ORC6: variants seen among roughly 807,000 people sequenced by gnomAD.
The protein encoded by ORC6 is origin recognition complex subunit 6.
Under a neutral mutation model 30.0 loss-of-function variants are expected in ORC6, and 31 were observed. The observed-to-expected ratio is 1.03, with a 90% CI of 0.78 to 1.40. ORC6 has a LOEUF of 1.40. Ranked by LOEUF, ORC6 falls within the 40% of genes most tolerant of loss-of-function variation. The probability of loss-of-function intolerance (pLI) is 0.00; values close to 1 mark genes in which losing one functional copy is unlikely to be tolerated. For missense variants in ORC6, 340 were observed against 304.3 expected (o/e 1.12, Z -0.87); for synonymous variants, 136 against 111.2 (o/e 1.22, Z -1.40).
chr16:46,692,924 A>T (rs1212783561), intron 3 of ORC6, among the ~76,000 whole-genome samples, 169 bp from the exon 4 acceptor site: 1 of 152,108 alleles, frequency 6.6e-6, no homozygotes, highest in Non-Finnish European at 1.5e-5. Context: ...GATAGATACA[A>T]ATTATCCATT....
chr16:46,698,167 A>AGATAGATG lies in ORC6; in HGVS notation c.*589_*590insGGATAGAT, dbSNP rs1555468047. ...GGGTGACAGAGCGAGACTTATAGAT[A>AGATAGATG]GATAGATAGATAGATGGATAGATAG... On this transcript the variant is annotated 3_prime_UTR_variant, in exon 7 of 7. Coordinates refer to ENST00000219097, the MANE Select transcript of ORC6 (RefSeq NM_014321.4). 1 of 402,370 alleles carries AGATAGATG rather than the reference A, an allele frequency of 2.5e-6. No homozygotes were observed. The highest frequency in any genetic ancestry group is 2.4e-5 in the African/African-American group (1 of 41,062). 24.9% of individuals were successfully genotyped at this position (402,370 alleles called of 1,614,324 possible).
At chr16:46,696,989 G>T (rs780365591) in intron 6 of ORC6, among the ~76,000 whole-genome samples, 2 of 152,212 alleles carry the variant, frequency 1.3e-5, no homozygotes, top group Non-Finnish European at 2.9e-5. Context: ...TATAATTTCT[G>T]TGAGCCTCAA....
At chr16:46,697,099 A>G (rs781515002) in intron 6 of ORC6, among the ~76,000 whole-genome samples, 9 of 152,234 alleles carry the variant, frequency 5.9e-5, no homozygotes, top group Non-Finnish European at 1.3e-4. Flanking sequence ...TTCAGTGCCT[A>G]TCAAGCACCA....
chr16:46,697,962 A>C lies in ORC6; in HGVS notation c.*377A>C, dbSNP rs923851370. The C allele has an allele frequency of 6.9e-6, 3 of 437,020 alleles. No homozygotes were observed. The highest frequency in any genetic ancestry group is 9.2e-6 in the Non-Finnish European group (2 of 216,426). 27.1% of individuals were successfully genotyped at this position (437,020 alleles called of 1,614,324 possible). On this transcript the variant is annotated 3_prime_UTR_variant, in exon 7 of 7. Transcript: ENST00000219097. Reference sequence around the variant, plus strand: ...AAACCCCATCTCTACTAAAAATACAAAAATTAGCCAGGTGTGATGGTGCAT... The same window carrying C: ...AAACCCCATCTCTACTAAAAATACACAAATTAGCCAGGTGTGATGGTGCAT...
intron 1 of ORC6, 105 bp downstream of exon 1, chr16:46,689,875 G>A (rs1213529363): frequency 7.0e-7 from 1 of 1,436,262 alleles, no homozygotes; most frequent in Admixed American, 2.8e-5. Context: ...GGGGAGTGAC[G>A]GGGAGCGCTG....
chr16:46,698,208 GATA>G lies in ORC6; in HGVS notation c.*624_*626del. 3 of 454,608 alleles carry G rather than the reference GATA, an allele frequency of 6.6e-6. No individual in the cohort carries two copies. Among genetic ancestry groups the G allele is most frequent in the Non-Finnish European group, 1.3e-5 (3 of 226,536 alleles). The allele number at this position is 454,608 out of a possible 1,614,324, so 28.2% of individuals were successfully genotyped here. ...GGATAGATAGATAGATAGATAGATA[GATA>G]GATAAACGGAATTGGAGCCATTTTG... On this transcript the variant is annotated 3_prime_UTR_variant, in exon 7 of 7. Transcript: ENST00000219097.
Position 46,689,663 on chromosome 16 carries a change from A to T in ORC6, c.-43A>T, listed in dbSNP as rs367810044. 3.7e-5 allele frequency: 59 copies of T among 1,575,434 alleles called. No homozygotes were observed. In the African/African-American group the frequency reaches 7.9e-4, roughly 21 times the overall value. ...CAGCCTTTGCGCGCGGGTTTCGTTGACCCGCGGCGTTCACGGGAATTGTTC... is the reference window on the plus strand; with the variant it reads ...CAGCCTTTGCGCGCGGGTTTCGTTGTCCCGCGGCGTTCACGGGAATTGTTC... On this transcript the variant is annotated 5_prime_UTR_variant, in exon 1 of 7. Coordinates refer to ENST00000219097, the MANE Select transcript of ORC6 (RefSeq NM_014321.4).
chr16:46,689,794 G>T (rs1966405810), intron 1 of ORC6, 24 bp downstream of exon 1: 2 of 1,572,816 alleles, frequency 1.3e-6, no homozygotes, highest in Non-Finnish European at 1.7e-6. Context: ...CGCAAGACCA[G>T]GGCTGGGCTT....
intron 3 of ORC6, among the ~76,000 whole-genome samples, chr16:46,692,867 T>TGGGGC (rs1192936732): frequency 2.3e-5 from 3 of 129,768 alleles, no homozygotes; most frequent in African/African-American, 5.9e-5. Flanking sequence ...GACTCCGTCT[T>TGGGGC]GGGGCGGGGC....
chr16:46,696,284 A>T, intron 6 of ORC6, 199 bp downstream of exon 6: 1 of 613,388 alleles, frequency 1.6e-6, no homozygotes, highest in Non-Finnish European at 3.0e-6. Context: ...GGTCTGGCAC[A>T]GTGGCTTATT....
Position 46,695,997 on chromosome 16 carries a change from C to A in ORC6, c.563-20C>A. On this transcript the variant is annotated intron_variant, in intron 5 of 6. Coordinates refer to ENST00000219097, the MANE Select transcript of ORC6 (RefSeq NM_014321.4). The stretch of plus-strand genomic sequence containing the variant: ...AATTGAGAACAGGAGAAAAATTAAC[C>A]TTGATAACACTTCTTAAAGGAGAAC... 6.3e-7 allele frequency: 1 copy of A among 1,590,676 alleles called. No individual in the cohort carries two copies. Among genetic ancestry groups the A allele is most frequent in the South Asian group, 1.1e-5 (1 of 90,638 alleles).
chr16:46,691,091 G>C lies in ORC6; in HGVS notation c.166G>C (p.Ala56Pro), dbSNP rs1966432514. The change falls in exon 2 of 7, where the codon GCT (alanine) becomes CCT (proline). Residue 56 changes from alanine (A) to proline (P), a missense_variant. By Grantham distance (27) the Ala-to-Pro change is conservative (BLOSUM62 -1). Coordinates refer to ENST00000219097, the MANE Select transcript of ORC6 (RefSeq NM_014321.4). ...TGCAGTCATGTGCCTGGACCTTGCA[G>C]CTTCCTGGATGAAGTGCCCCTTGGA... ...SSAVMCLDLA[A>P]SWMKCPLDRA... The C allele has an allele frequency of 5.6e-6, 9 of 1,614,200 alleles. No homozygotes were observed. Among genetic ancestry groups the C allele is most frequent in the Non-Finnish European group, 7.6e-6 (9 of 1,180,006 alleles).
Position 46,689,692 on chromosome 16 carries a change from T to C in ORC6, c.-14T>C, listed in dbSNP as rs1596731622. 1 of 1,597,768 alleles carries C rather than the reference T, an allele frequency of 6.3e-7. No homozygotes were observed. Among genetic ancestry groups the C allele is most frequent in the South Asian group, 1.1e-5 (1 of 88,738 alleles). On this transcript the variant is annotated 5_prime_UTR_variant, in exon 1 of 7. Coordinates refer to ENST00000219097, the MANE Select transcript of ORC6 (RefSeq NM_014321.4). ...GCGGCGTTCACGGGAATTGTTCGCT[T>C]TAGTGCCGGCGCCATGGGGTCGGAG...
In ORC6 at chr16:46,693,175, G is replaced by T; in HGVS notation, c.442G>T (p.Ala148Ser). ...TTTCACTTCTGCTGCACTGCTTTCA[G>T]CATGCAAGTAGGTATTTCATTAAAC... ...PLFTSAALLSACKILKLKVDK... is the reference protein window; with the variant it reads ...PLFTSAALLSSCKILKLKVDK... The change falls in exon 4 of 7, where the codon GCA becomes TCA. Residue 148 changes from alanine to serine, a missense_variant. By Grantham distance (99) the Ala-to-Ser change is moderately conservative. Transcript: ENST00000219097. 1 of 1,604,818 alleles carries T rather than the reference G, an allele frequency of 6.2e-7. No individual in the cohort carries two copies. Among genetic ancestry groups the T allele is most frequent in the Non-Finnish European group, 8.5e-7 (1 of 1,171,656 alleles).
chr16:46,695,992 T>C (rs773920423), intron 5 of ORC6, 25 bp from the exon 6 acceptor site: 3 of 1,574,788 alleles, frequency 1.9e-6, no homozygotes, highest in Non-Finnish European at 2.6e-6. Flanking sequence ...AGGAGAAAAA[T>C]TAACCTTGAT....
rs749333175 is a variant in ORC6, at chr16:46,693,099, G to A, written c.366G>A (p.Glu122=). The change falls in exon 4 of 7, where the codon GAG becomes GAA. Residue 122 remains glutamate, a synonymous_variant. Coordinates refer to ENST00000219097, the MANE Select transcript of ORC6 (RefSeq NM_014321.4). ...GCAATAACTTCTCCTTTAGCTATGA[G>A]TCCAGTCTTCCCCAGACACAGCAAG... ...NMASKILKSY[E]SSLPQTQQVD... 1 of 1,603,790 alleles carries A rather than the reference G, an allele frequency of 6.2e-7. No homozygotes were observed. Among genetic ancestry groups the A allele is most frequent in the Non-Finnish European group, 8.5e-7 (1 of 1,170,688 alleles).
At chr16:46,692,257 G>C in intron 2 of ORC6, 125 bp from the exon 3 acceptor site, 1 of 758,346 alleles carries the variant, frequency 1.3e-6, no homozygotes, top group Non-Finnish European at 2.2e-6. Context: ...TAAACCTTTA[G>C]GTAGAGTGAC....
intron 4 of ORC6, chr16:46,694,908 C>G (rs940410591): frequency 2.6e-5 from 4 of 152,150 alleles, no homozygotes; most frequent in Non-Finnish European, 5.9e-5. Context: ...CACTACCTAC[C>G]CACTAATTTT....
chr16:46,694,569 G>GGGCTGACCCCCC (rs1966496712), intron 4 of ORC6: 1 of 145,350 alleles, frequency 6.9e-6, no homozygotes, highest in African/African-American at 2.5e-5. Flanking sequence ...CCCGGACGGG[G>GGGCTGACCCCCC]CAGCTGGCCG....
Sources: allele counts gnomAD v4.1 joint callset (sites outside exome capture counted in the v4.1 genomes callset), GRCh38; gene constraint gnomAD v4.1.1; transcripts MANE v1.5; gene names NCBI Gene and HGNC (gene_info 2026-07-23, HGNC 2026-07-21).